PCNX2: variants seen among roughly 807,000 people sequenced by gnomAD.
PCNX2 encodes the protein pecanex 2.
PCNX2 carries 168 observed loss-of-function variants against 223.8 expected under a neutral mutation model. The ratio of observed to expected loss-of-function variants is 0.75; its 90% confidence interval spans 0.66 to 0.85. The LOEUF is 0.85. Ranked by LOEUF, PCNX2 falls within the 40% of genes least tolerant of loss-of-function variation. The probability of loss-of-function intolerance (pLI) is 0.00; values close to 1 mark genes in which losing one functional copy is unlikely to be tolerated. For missense variants in PCNX2, 2,507 were observed against 2,675.5 expected, an observed-to-expected ratio of 0.94 and a Z score of 1.39; for synonymous variants, 1,006 against 1,052.6, an observed-to-expected ratio of 0.96 and a Z score of 0.86.
intron 23 of PCNX2, chr1:233,057,797 T>A: frequency 1.2e-6 from 1 of 832,886 alleles, no homozygotes; most frequent in Non-Finnish European, 1.4e-6. Context: ...GAGGCCGAGG[T>A]CGCAGTGAGC....
At chr1:233,071,840 G>T (rs140003057) in intron 23 of PCNX2, among the ~76,000 whole-genome samples, 1 of 152,240 alleles carries the variant, frequency 6.6e-6, no homozygotes, top group East Asian at 1.9e-4. Flanking sequence ...TAGCCATTCT[G>T]ACTAGTGTGA....
chr1:233,041,588 T>C (rs986924266), intron 25 of PCNX2, among the ~76,000 whole-genome samples: 1 of 152,150 alleles, frequency 6.6e-6, no homozygotes, highest in African/African-American at 2.4e-5. Flanking sequence ...CCTAAATAAA[T>C]AAAATTCAGT....
At chr1:233,096,476 G>A (rs1441717857) in intron 21 of PCNX2, among the ~76,000 whole-genome samples, 3 of 152,186 alleles carry the variant, frequency 2.0e-5, no homozygotes, top group Admixed American at 6.5e-5. Flanking sequence ...TGATGACTGT[G>A]TAGGGAAGGA....
At chr1:233,198,785 A>G (rs932146818) in intron 15 of PCNX2, among the ~76,000 whole-genome samples, 154 bp downstream of exon 15, 4 of 152,190 alleles carry the variant, frequency 2.6e-5, no homozygotes, top group African/African-American at 9.7e-5. Context: ...CCTGTCTTCT[A>G]ACACTACTGA....
chr1:233,132,855 C>T (rs1208289751), intron 21 of PCNX2, among the ~76,000 whole-genome samples: 1 of 151,064 alleles, frequency 6.6e-6, no homozygotes, highest in Non-Finnish European at 1.5e-5. Flanking sequence ...TAAATAATGC[C>T]TGAGTCAGGA....
chr1:233,130,873 G>A lies in PCNX2; in HGVS notation c.3837+4140C>T, dbSNP rs139636747. Among the ~76,000 whole-genome samples the A allele has an allele frequency of 4.2e-3, 635 of 152,004 alleles. 5 individuals are homozygous for A. The highest frequency in any genetic ancestry group is 0.014 in the African/African-American group (573 of 41,454). ...GACCTCAGGGGGAGTGGGGGATTTGGGGGCTTAGGGAGGTAGAGAATATCA... is the reference window on the plus strand; with the variant it reads ...GACCTCAGGGGGAGTGGGGGATTTGAGGGCTTAGGGAGGTAGAGAATATCA... On this transcript the variant is annotated intron_variant, in intron 21 of 33. Transcript: ENST00000258229.
intron 1 of PCNX2, among the ~76,000 whole-genome samples, chr1:233,280,273 T>C (rs1218548144): frequency 6.6e-6 from 1 of 151,636 alleles, no homozygotes. Flanking sequence ...GAATGGTTAT[T>C]TATTTAAACC....
chr1:233,160,260 TA>T (rs748730751), intron 19 of PCNX2, 22 bp downstream of exon 19: 3 of 1,579,002 alleles, frequency 1.9e-6, no homozygotes, highest in South Asian at 1.1e-5. Flanking sequence ...TTTTTTTTTT[TA>T]AATGAGGGAT....
intron 26 of PCNX2, among the ~76,000 whole-genome samples, chr1:233,019,825 G>A (rs1670816220): frequency 6.6e-6 from 1 of 152,118 alleles, no homozygotes; most frequent in Non-Finnish European, 1.5e-5. Context: ...GTTTTCTCTT[G>A]TCTCCTTGCC....
chr1:233,201,240 T>C (rs1681095687), intron 13 of PCNX2, among the ~76,000 whole-genome samples: 1 of 152,134 alleles, frequency 6.6e-6, no homozygotes, highest in East Asian at 1.9e-4. Flanking sequence ...GGGGCTGTGG[T>C]TGGTGTTGGA....
chr1:232,984,393 T>C lies in PCNX2; in HGVS notation c.6325A>G (p.Thr2109Ala), dbSNP rs569367962. 105 of 1,612,230 alleles carry C rather than the reference T, an allele frequency of 6.5e-5. 3 individuals are homozygous for C. The South Asian group carries it at 1.1e-3, about 17-fold the overall frequency. Reference protein sequence around the residue: ...DRCLAEAVADTLGVVCRRASQ... With the variant: ...DRCLAEAVADALGVVCRRASQ... ...GCTCTCCTGCAGACAACCCCGAGAG[T>C]GTCCGCCACAGCCTCAGCCAGACAT... Residue 2109 changes from threonine (T) to alanine (A), a missense_variant, in exon 34 of 34, where the codon ACT becomes GCT. Physicochemically the swap from Thr to Ala is moderately conservative, Grantham distance 58. Coordinates refer to ENST00000258229, the MANE Select transcript of PCNX2 (RefSeq NM_014801.4).
chr1:233,254,694 T>A lies in PCNX2; in HGVS notation c.1835-1906A>T, dbSNP rs147331168. ...ATCACACCAGTCTCTTTTTCCTAGA[T>A]ATACGCACTTTTTTTTTTTTTTACA... is the stretch of plus-strand genomic sequence containing the variant. On this transcript the variant is annotated intron_variant, in intron 5 of 33. Coordinates refer to ENST00000258229, the MANE Select transcript of PCNX2 (RefSeq NM_014801.4). Among the ~76,000 whole-genome samples, 466 of 151,132 alleles carry A rather than the reference T, an allele frequency of 3.1e-3. 2 individuals are homozygous for A. The highest frequency in any genetic ancestry group is 0.011 in the African/African-American group (451 of 41,136).
At chr1:233,008,240 T>G (rs1410889871) in intron 28 of PCNX2, among the ~76,000 whole-genome samples, 1 of 152,154 alleles carries the variant, frequency 6.6e-6, no homozygotes, top group Non-Finnish European at 1.5e-5. Flanking sequence ...CCCAGCTCTC[T>G]CCTACCTGGT....
chr1:233,124,686 T>G (rs545953247), intron 21 of PCNX2, among the ~76,000 whole-genome samples: 1 of 152,260 alleles, frequency 6.6e-6, no homozygotes, highest in Non-Finnish European at 1.5e-5. Context: ...ATTCTTGTAC[T>G]AAAAGTGTCA....
chr1:233,150,743 C>T (rs1677747389), intron 19 of PCNX2, among the ~76,000 whole-genome samples: 2 of 88,932 alleles, frequency 2.2e-5, no homozygotes, highest in Admixed American at 1.2e-4. Flanking sequence ...AAAACCATCC[C>T]ATTGATTTTT....
intron 3 of PCNX2, 120 bp from the exon 4 acceptor site, chr1:233,261,441 T>C (rs750172301): frequency 1.2e-6 from 1 of 864,394 alleles, no homozygotes; most frequent in Non-Finnish European, 1.9e-6. Context: ...GGAGAGACAA[T>C]ACAGTGTTCA....
intron 21 of PCNX2, among the ~76,000 whole-genome samples, chr1:233,104,946 A>G (rs1212692735): frequency 6.6e-6 from 1 of 152,176 alleles, no homozygotes; most frequent in Non-Finnish European, 1.5e-5. Context: ...ATTAGAACAT[A>G]TTTTAAAATG....
intron 25 of PCNX2, among the ~76,000 whole-genome samples, chr1:233,030,068 A>C (rs1446851063): frequency 1.3e-5 from 2 of 152,162 alleles, no homozygotes; most frequent in Non-Finnish European, 2.9e-5. Context: ...CTTGAATTAC[A>C]CATATGTTAA....
At chr1:233,320,976 AAG>A in the PCNX2 span, among the ~76,000 whole-genome samples, 2 of 151,792 alleles carry the variant, frequency 1.3e-5, no homozygotes, top group Non-Finnish European at 1.5e-5. Flanking sequence ...TCCACGGAAT[AAG>A]AGATTCACTT....
Sources: gnomAD v4.1 joint callset for allele counts (sites outside exome capture counted in the v4.1 genomes callset) on GRCh38, gnomAD v4.1.1 for gene constraint, MANE v1.5 for transcripts, NCBI Gene and HGNC (gene_info 2026-07-23, HGNC 2026-07-21) for gene names.